The following ACSM3 variants were observed in gnomAD, a reference collection of about 807,000 sequenced individuals.
ACSM3 encodes the protein acyl-CoA synthetase medium chain family member 3.
In ACSM3, 61 loss-of-function variants were observed where a neutral mutation model predicts 74.1. That is an observed-to-expected ratio of 0.82 (90% confidence interval 0.67 to 1.02). The LOEUF is 1.02. Among genes scored for constraint, ACSM3 ranks in the 50% least tolerant of loss-of-function variants. The pLI is 0.00. For synonymous variants in ACSM3, 213 were observed against 241.5 expected (o/e 0.88, Z 1.09); for missense variants, 660 against 697.0 (o/e 0.95, Z 0.60).
intron 3 of ACSM3, among the ~76,000 whole-genome samples, chr16:20,757,689 A>G (rs2080043036): frequency 1.3e-5 from 2 of 150,892 alleles, no homozygotes; most frequent in Admixed American, 6.6e-5. Context: ...AGGAGTGGTG[A>G]GAGAGGGCAT....
intron 1 of ACSM3, chr16:20,731,715 C>A: frequency 2.5e-6 from 1 of 394,714 alleles, no homozygotes; most frequent in Non-Finnish European, 4.5e-6. Flanking sequence ...AAAAAATCAA[C>A]TGCACCTTAC....
At chr16:20,784,875 T>C in intron 7 of ACSM3, 109 bp from the exon 8 acceptor site, 3 of 1,264,322 alleles carry the variant, frequency 2.4e-6, no homozygotes, top group Non-Finnish European at 3.2e-6. Context: ...GGGAGAGGAA[T>C]TAAAAAGCGA....
At position 20,797,006 on chromosome 16, in the gene ACSM3, A is replaced by G; in HGVS notation, c.*34A>G. 1 of 1,603,308 alleles carries G rather than the reference A, an allele frequency of 6.2e-7. No homozygotes were observed. The highest frequency in any genetic ancestry group is 8.5e-7 in the Non-Finnish European group (1 of 1,176,496). On this transcript the variant is annotated 3_prime_UTR_variant, in exon 14 of 14. Coordinates refer to ENST00000289416, the MANE Select transcript of ACSM3 (RefSeq NM_005622.4). ...CATTAATTACCATATCTATAAAACA[A>G]ACATAGTATCTGTCAATCTCTAGAA...
At chr16:20,743,590 G>C (rs1344764538) in intron 1 of ACSM3, 2 of 152,194 alleles carry the variant, frequency 1.3e-5, no homozygotes, top group African/African-American at 4.8e-5. Context: ...AAGGGACACC[G>C]AATTCACAGT....
chr16:20,724,771 C>G (rs568537906), intron 1 of ACSM3, among the ~76,000 whole-genome samples: 2 of 152,134 alleles, frequency 1.3e-5, no homozygotes, highest in Non-Finnish European at 2.9e-5. Flanking sequence ...GAGTGAACTC[C>G]CATTCACAAT....
intron 12 of ACSM3, among the ~76,000 whole-genome samples, chr16:20,794,933 C>A (rs2080688275): frequency 6.6e-6 from 1 of 152,112 alleles, no homozygotes; most frequent in Non-Finnish European, 1.5e-5. Flanking sequence ...AGAGACTATC[C>A]AAGTTGTAGA....
At chr16:20,730,985 G>A (rs976440203) in intron 1 of ACSM3, among the ~76,000 whole-genome samples, 1 of 152,138 alleles carries the variant, frequency 6.6e-6, no homozygotes, top group African/African-American at 2.4e-5. Flanking sequence ...TCAGCCTCCT[G>A]AGTCGCTAGG....
intron 4 of ACSM3, 67 bp from the exon 5 acceptor site, chr16:20,780,647 A>G (rs1281302545): frequency 6.2e-7 from 1 of 1,613,522 alleles, no homozygotes; most frequent in African/African-American, 1.3e-5. Flanking sequence ...GCTTCTCAAA[A>G]TTTTTCAGTG....
chr16:20,719,459 C>A (rs553948917), intron 1 of ACSM3: 39 of 214,810 alleles, frequency 1.8e-4, no homozygotes, highest in Admixed American at 1.3e-3. Flanking sequence ...AGAAATGATA[C>A]CTCAGAATAC....
In ACSM3 at chr16:20,767,516, CAAAAAAAAAAA is replaced by C. The variant is rs772094919; in HGVS notation, c.-51-2449_-51-2439del. Reference sequence around the variant, plus strand: ...TGGGCGACAGAGCGAGACTCCGTCTCAAAAAAAAAAAAAAAAAAAAAAAAAAAAACAGGGAC... The same window carrying C: ...TGGGCGACAGAGCGAGACTCCGTCTCAAAAAAAAAAAAAAAAAACAGGGAC... On this transcript the variant is annotated intron_variant, in intron 1 of 13. Transcript: ENST00000289416. Among the ~76,000 whole-genome samples, 7 of 4,490 alleles carry C rather than the reference CAAAAAAAAAAA, an allele frequency of 1.6e-3. 2 individuals carry two copies. The highest frequency in any genetic ancestry group is 4.3e-3 in the Admixed American group (2 of 462). The allele number at this position is 4,490 out of a possible 152,430, so 2.9% of individuals were successfully genotyped here.
At chr16:20,767,608 T>C (rs1354349470) in intron 1 of ACSM3, among the ~76,000 whole-genome samples, 1 of 151,850 alleles carries the variant, frequency 6.6e-6, no homozygotes, top group African/African-American at 2.4e-5. Context: ...ATTGTTAGAC[T>C]TAAGGTCTTA....
chr16:20,742,939 T>C, intron 1 of ACSM3, among the ~76,000 whole-genome samples: 1 of 147,292 alleles, frequency 6.8e-6, no homozygotes, highest in East Asian at 2.0e-4. Flanking sequence ...TATGTTTGTC[T>C]ATTTTTTTTT....
At chr16:20,681,095 A>G (rs1471876429) in intron 1 of ACSM3, 1 of 152,236 alleles carries the variant, frequency 6.6e-6, no homozygotes, top group Non-Finnish European at 1.5e-5. Context: ...TTGGCCAGCT[A>G]CCTGGGTGCA....
intron 9 of ACSM3, among the ~76,000 whole-genome samples, chr16:20,786,500 G>T (rs1364374497): frequency 6.6e-6 from 1 of 152,150 alleles, no homozygotes; most frequent in African/African-American, 2.4e-5. Flanking sequence ...GGGCAACAAC[G>T]TGAGACTTTG....
intron 1 of ACSM3, chr16:20,738,312 A>C: frequency 3.6e-6 from 1 of 280,202 alleles, no homozygotes; most frequent in Non-Finnish European, 7.2e-6. Context: ...CTTTTTTACA[A>C]AAAAAAAAAA....
intron 12 of ACSM3, 22 bp downstream of exon 12, chr16:20,792,357 A>G (rs768093453): frequency 1.9e-6 from 3 of 1,612,916 alleles, no homozygotes; most frequent in Non-Finnish European, 1.7e-6. Flanking sequence ...GATTCATGTC[A>G]ACTTTATAAT....
chr16:20,770,887 G>C (rs1169069207), intron 2 of ACSM3, among the ~76,000 whole-genome samples: 1 of 152,064 alleles, frequency 6.6e-6, no homozygotes, highest in Non-Finnish European at 1.5e-5. Context: ...TTTGTGCTGG[G>C]AGCATTCAAA....
Position 20,736,667 on chromosome 16 carries a change from G to T in ACSM3, c.-189-13243G>T, listed in dbSNP as rs1363391260. ...CTATCCTCCCCTCTTTGCAACAGCA[G>T]CACATGGGTCTGCCTCTACGTAATA... On this transcript the variant is annotated intron_variant, in intron 1 of 3. Transcript: ENST00000561584. 7 of 542,268 alleles carry T rather than the reference G, an allele frequency of 1.3e-5. No individual in the cohort carries two copies. The African/African-American group carries it at 1.3e-4, about 10-fold the overall frequency. The allele number at this position is 542,268 out of a possible 1,614,324, so 33.6% of individuals were successfully genotyped here.
intron 1 of ACSM3, chr16:20,679,450 G>T (rs1035056440): frequency 5.3e-5 from 8 of 152,204 alleles, no homozygotes; most frequent in African/African-American, 1.7e-4. Context: ...CTCTAGATAA[G>T]TAAATGTAGA....
Sources: allele counts gnomAD v4.1 joint callset (sites outside exome capture counted in the v4.1 genomes callset), GRCh38; gene constraint gnomAD v4.1.1; transcripts MANE v1.5; gene names NCBI Gene and HGNC (gene_info 2026-07-23, HGNC 2026-07-21).